The following CRB1 variants were observed in gnomAD, a reference collection of about 807,000 sequenced individuals.
CRB1 encodes the protein crumbs cell polarity complex component 1.
CRB1 carries 83 observed loss-of-function variants against 120.0 expected under a neutral mutation model. The observed-to-expected ratio is 0.69, with a 90% CI of 0.58 to 0.83. The LOEUF is 0.83. Among genes scored for constraint, CRB1 ranks in the 40% least tolerant of loss-of-function variants. CRB1 has a pLI of 0.00. For missense variants in CRB1, 1,699 were observed against 1,687.6 expected (o/e 1.01, Z -0.12); for synonymous variants, 625 against 612.5 (o/e 1.02, Z -0.30).
At chr1:197,469,095 C>T (rs1022963969) in intron 11 of CRB1, among the ~76,000 whole-genome samples, 1 of 152,138 alleles carries the variant, frequency 6.6e-6, no homozygotes, top group Admixed American at 6.5e-5. Flanking sequence ...TGGCGCACGC[C>T]TGTAATCCTA....
At chr1:197,307,200 TTCAGACTAAGAA>T (rs1280338892) in intron 1 of CRB1, among the ~76,000 whole-genome samples, 2 of 152,164 alleles carry the variant, frequency 1.3e-5, no homozygotes, top group Non-Finnish European at 2.9e-5. Flanking sequence ...ATAGTAAAAC[TTCAGACTAAGAA>T]TCAGTATTGC....
At chr1:197,363,176 T>C (rs1660869403) in intron 5 of CRB1, among the ~76,000 whole-genome samples, 1 of 152,016 alleles carries the variant, frequency 6.6e-6, no homozygotes, top group African/African-American at 2.4e-5. Flanking sequence ...TATCCTTGTT[T>C]TGAGGATCAG....
At chr1:197,344,159 A>C (rs894481273) in intron 2 of CRB1, 122 bp from the exon 3 acceptor site, 1 of 994,966 alleles carries the variant, frequency 1.0e-6, no homozygotes, top group African/African-American at 1.6e-5. Flanking sequence ...TAAGGGGGAA[A>C]GTTATTTTGG....
intron 2 of CRB1, among the ~76,000 whole-genome samples, chr1:197,335,101 C>T (rs1659077535): frequency 1.3e-5 from 2 of 152,112 alleles, no homozygotes; most frequent in Non-Finnish European, 2.9e-5. Context: ...AATAGCATTC[C>T]AGGCAGAGGA....
At chr1:197,458,991 A>G (rs1187744812) in intron 11 of CRB1, among the ~76,000 whole-genome samples, 1 of 152,122 alleles carries the variant, frequency 6.6e-6, no homozygotes, top group East Asian at 1.9e-4. Context: ...GAGAAAGATT[A>G]TTTATAGAAC....
At chr1:197,211,808 A>AT in the CRB1 span, among the ~76,000 whole-genome samples, 90,897 of 151,556 alleles carry the variant, frequency 0.6, 29,996 homozygotes, top group East Asian at 0.94. Flanking sequence ...CAATATTAAA[A>AT]TTTTTTTTTC....
chr1:197,421,144 C>G lies in CRB1; in HGVS notation c.1316C>G (p.Ser439Cys), dbSNP rs1558125488. ...ACTTTTTATGGAGGAAGGGACTGTT[C>G]TGATATTCTCCTGGGCTGTACCCAT... ...SRTFYGGRDC[S>C]DILLGCTHQQ... The change falls in exon 6 of 12, where the codon TCT (serine) becomes TGT (cysteine). Residue 439 changes from serine to cysteine, a missense_variant. Coordinates refer to ENST00000367400, the MANE Select transcript of CRB1 (RefSeq NM_201253.3). 6.2e-7 allele frequency: 1 copy of G among 1,614,160 alleles called. No homozygotes were observed.
At chr1:197,407,932 T>C (rs771069153) in intron 5 of CRB1, among the ~76,000 whole-genome samples, 17 of 152,182 alleles carry the variant, frequency 1.1e-4, no homozygotes, top group Non-Finnish European at 2.5e-4. Context: ...TCCAATACAT[T>C]AGGCTCTTTA....
intron 2 of CRB1, among the ~76,000 whole-genome samples, chr1:197,338,162 AATTTG>A (rs1659260064): frequency 6.6e-6 from 1 of 152,034 alleles, no homozygotes. Flanking sequence ...CAGCTTTTAA[AATTTG>A]ATATATATTT....
At chr1:197,263,941 C>T (rs1397534191), upstream of CRB1, among the ~76,000 whole-genome samples, 2 of 151,836 alleles carry the variant, frequency 1.3e-5, no homozygotes, top group African/African-American at 4.8e-5. Context: ...ATGTCTTGTT[C>T]TTGTTTTATA....
intron 5 of CRB1, among the ~76,000 whole-genome samples, chr1:197,398,973 T>G (rs1044492626): frequency 6.6e-6 from 1 of 151,872 alleles, no homozygotes; most frequent in Admixed American, 6.6e-5. Context: ...ACTATATATA[T>G]GTATAATAGT....
chr1:197,424,639 A>G (rs1046543140), intron 6 of CRB1, among the ~76,000 whole-genome samples: 2 of 152,174 alleles, frequency 1.3e-5, no homozygotes, highest in Non-Finnish European at 2.9e-5. Context: ...GCTTAATACA[A>G]CATTGACTTT....
chr1:197,338,193 T>A (rs1012769364), intron 2 of CRB1, among the ~76,000 whole-genome samples: 4 of 152,108 alleles, frequency 2.6e-5, no homozygotes, highest in Non-Finnish European at 5.9e-5. Context: ...TTTTCATAAT[T>A]CTTTTAAAAA....
intron 1 of CRB1, among the ~76,000 whole-genome samples, chr1:197,312,157 A>C (rs1657569439): frequency 6.6e-6 from 1 of 152,226 alleles, no homozygotes; most frequent in Admixed American, 6.5e-5. Context: ...CAATATACAA[A>C]TAAACCTTAG....
Position 197,320,172 on chromosome 1 carries a change from A to G in CRB1, c.71-8250A>G, listed in dbSNP as rs111627008. Among the ~76,000 whole-genome samples the G allele has an allele frequency of 3.1e-3, 478 of 152,332 alleles. 1 individual carries two copies. Among genetic ancestry groups the G allele is most frequent in the African/African-American group, 0.011 (456 of 41,588 alleles). ...AGATATGCATTTCATAGTATTCACC[A>G]AAAATTGGAAAACCATAAATAGTCC... On this transcript the variant is annotated intron_variant, in intron 1 of 11. Transcript: ENST00000367400.
At chr1:197,393,615 T>C (rs1335442573) in intron 5 of CRB1, among the ~76,000 whole-genome samples, 1 of 152,094 alleles carries the variant, frequency 6.6e-6, no homozygotes, top group Non-Finnish European at 1.5e-5. Context: ...AGGATTTAAA[T>C]GATTTGAATG....
intron 1 of CRB1, among the ~76,000 whole-genome samples, chr1:197,309,968 A>G (rs1193923407): frequency 6.6e-6 from 1 of 152,124 alleles, no homozygotes; most frequent in East Asian, 1.9e-4. Flanking sequence ...AAAGTGAAAA[A>G]TATCTACGTT....
chr1:197,290,149 A>G (rs1484862515), intron 1 of CRB1, among the ~76,000 whole-genome samples: 2 of 151,714 alleles, frequency 1.3e-5, no homozygotes, highest in African/African-American at 2.4e-5. Flanking sequence ...TATTTATCCT[A>G]TGAGTACCTT....
intron 2 of CRB1, among the ~76,000 whole-genome samples, chr1:197,338,636 G>C (rs930538164): frequency 1.3e-5 from 2 of 151,914 alleles, no homozygotes; most frequent in African/African-American, 4.8e-5. Flanking sequence ...AAAGGATTAA[G>C]AAAACCTGAA....
Sources: allele counts gnomAD v4.1 joint callset (sites outside exome capture counted in the v4.1 genomes callset), GRCh38; gene constraint gnomAD v4.1.1; transcripts MANE v1.5; gene names NCBI Gene and HGNC (gene_info 2026-07-23, HGNC 2026-07-21).